The following NRG3 variants were observed in gnomAD, a reference collection of about 807,000 sequenced individuals.
NRG3 encodes pro-neuregulin-3, membrane-bound isoform.
NRG3 carries 31 observed loss-of-function variants against 66.9 expected under a neutral mutation model. That is an observed-to-expected ratio of 0.46 (90% CI 0.35 to 0.63). The LOEUF (loss-of-function observed/expected upper bound fraction) is 0.63, where lower values mean the gene tolerates loss of function less well. Among genes scored for constraint, NRG3 ranks in the 20% least tolerant of loss-of-function variants. The pLI is 0.00. For missense variants in NRG3, 910 were observed against 878.9 expected (o/e 1.04, Z -0.45); for synonymous variants, 393 against 359.4 (o/e 1.09, Z -1.06).
intron 1 of NRG3, among the ~76,000 whole-genome samples, chr10:81,919,131 T>G (rs1846003441): frequency 6.6e-6 from 1 of 152,206 alleles, no homozygotes; most frequent in South Asian, 2.1e-4. Flanking sequence ...CTTGTTGGAA[T>G]TAACTGAGAG....
intron 4 of NRG3, among the ~76,000 whole-genome samples, chr10:82,946,334 A>C (rs566037659): frequency 6.6e-6 from 1 of 151,900 alleles, no homozygotes; most frequent in East Asian, 1.9e-4. Context: ...AGGTCAAGAG[A>C]TCGAGACTAG....
chr10:82,909,287 A>G (rs1312844297), intron 4 of NRG3, among the ~76,000 whole-genome samples: 1 of 152,234 alleles, frequency 6.6e-6, no homozygotes, highest in Non-Finnish European at 1.5e-5. Flanking sequence ...TGACTTTAAC[A>G]TAATGAATCT....
intron 1 of NRG3, among the ~76,000 whole-genome samples, chr10:82,094,340 TA>T (rs2066209033): frequency 6.6e-6 from 1 of 152,124 alleles, no homozygotes; most frequent in South Asian, 2.1e-4. Context: ...AGTCAAAATA[TA>T]ACAGATGCCG....
intron 1 of NRG3, among the ~76,000 whole-genome samples, chr10:82,132,531 T>TATG (rs1359189583): frequency 1.9e-5 from 2 of 102,716 alleles, no homozygotes; most frequent in Non-Finnish European, 3.5e-5. Context: ...ATATGATATA[T>TATG]ATATGATATA....
intron 1 of NRG3, among the ~76,000 whole-genome samples, chr10:82,041,085 A>C (rs2063013109): frequency 6.6e-6 from 1 of 152,122 alleles, no homozygotes; most frequent in African/African-American, 2.4e-5. Flanking sequence ...AGTGGGCCAT[A>C]AGTAATTAAA....
intron 4 of NRG3, among the ~76,000 whole-genome samples, chr10:82,922,271 GCC>G (rs1201647897): frequency 1.3e-5 from 2 of 152,138 alleles, no homozygotes; most frequent in Non-Finnish European, 2.9e-5. Flanking sequence ...TCATCGGGCA[GCC>G]CCGTGGAGGT....
At chr10:82,531,838 A>G (rs1431748772) in intron 2 of NRG3, among the ~76,000 whole-genome samples, 1 of 151,750 alleles carries the variant, frequency 6.6e-6, no homozygotes, top group Non-Finnish European at 1.5e-5. Context: ...CATGATACCT[A>G]CCCTCTTAGT....
intron 2 of NRG3, among the ~76,000 whole-genome samples, chr10:82,416,180 C>A (rs1267434372): frequency 6.6e-6 from 1 of 152,090 alleles, no homozygotes; most frequent in Non-Finnish European, 1.5e-5. Flanking sequence ...TAAAACATAC[C>A]TTTCAAGACA....
chr10:81,910,060 T>C (rs1202571716), intron 1 of NRG3, among the ~76,000 whole-genome samples: 2 of 152,192 alleles, frequency 1.3e-5, no homozygotes, highest in African/African-American at 4.8e-5. Context: ...TCTAAACTCA[T>C]ATTCAGATAT....
intron 3 of NRG3, among the ~76,000 whole-genome samples, chr10:82,764,617 C>CCTCACAAAGTG: frequency 6.6e-6 from 1 of 151,818 alleles, no homozygotes; most frequent in East Asian, 1.9e-4. Context: ...CCCACCTCAG[C>CCTCACAAAGTG]CTCCCAAAGT....
intron 1 of NRG3, among the ~76,000 whole-genome samples, chr10:82,351,194 C>T (rs1256880319): frequency 3.3e-5 from 5 of 152,134 alleles, no homozygotes; most frequent in Admixed American, 1.3e-4. Context: ...CGCACCCGGC[C>T]GTGTTAACTC....
At chr10:82,187,198 T>C (rs982280271) in intron 1 of NRG3, among the ~76,000 whole-genome samples, 2 of 152,282 alleles carry the variant, frequency 1.3e-5, no homozygotes, top group East Asian at 1.9e-4. Context: ...TGGAGTAATA[T>C]GACACATGTG....
intron 3 of NRG3, among the ~76,000 whole-genome samples, chr10:82,742,755 C>A (rs563363474): frequency 1.5e-4 from 23 of 152,084 alleles, no homozygotes; most frequent in African/African-American, 5.1e-4. Context: ...GTAAGCTTCC[C>A]GGAAGCTGAC....
chr10:81,880,935 C>T (rs1236765586), intron 1 of NRG3, among the ~76,000 whole-genome samples: 1 of 152,072 alleles, frequency 6.6e-6, no homozygotes, highest in Non-Finnish European at 1.5e-5. Context: ...GAAAGTGTTC[C>T]CTCCAGAACC....
intron 1 of NRG3, among the ~76,000 whole-genome samples, chr10:82,316,603 G>A (rs1287138333): frequency 1.3e-5 from 2 of 152,162 alleles, no homozygotes; most frequent in Non-Finnish European, 2.9e-5. Context: ...TTACACATAA[G>A]GCCTTGCTCC....
Position 82,457,398 on chromosome 10 carries a change from G to A in NRG3, c.953+98530G>A, listed in dbSNP as rs187549409. Among the ~76,000 whole-genome samples the A allele has an allele frequency of 6.6e-5, 10 of 152,252 alleles. No individual in the cohort carries two copies. In the East Asian group the frequency reaches 1.9e-3, roughly 29 times the overall value. On this transcript the variant is annotated intron_variant, in intron 2 of 8. Transcript: ENST00000372141. Reference sequence around the variant, plus strand: ...ATGTGCAGTTCACAATAGGGTTCGCGCTCCTTTGAGAATCTGATGCTGTTG... The same window carrying A: ...ATGTGCAGTTCACAATAGGGTTCGCACTCCTTTGAGAATCTGATGCTGTTG...
At chr10:82,533,384 T>A (rs969201195) in intron 2 of NRG3, among the ~76,000 whole-genome samples, 1 of 152,130 alleles carries the variant, frequency 6.6e-6, no homozygotes, top group African/African-American at 2.4e-5. Context: ...TCATGAAGTA[T>A]TTCCCCTAAG....
chr10:82,739,659 A>G lies in NRG3; in HGVS notation c.1027+1009A>G, dbSNP rs139835811. ...CTCAAGTAAATGCAAAGTTATTTGA[A>G]AGAAAAAGGTTTTGTTTAATTTAAT... On this transcript the variant is annotated intron_variant, in intron 3 of 8. Transcript: ENST00000372141. Among the ~76,000 whole-genome samples the G allele has an allele frequency of 2.8e-3, 429 of 152,342 alleles. 2 individuals are homozygous for G. Among genetic ancestry groups the G allele is most frequent in the African/African-American group, 9.6e-3 (400 of 41,588 alleles).
At chr10:82,736,232 C>T (rs1221853678) in intron 2 of NRG3, among the ~76,000 whole-genome samples, 1 of 152,184 alleles carries the variant, frequency 6.6e-6, no homozygotes, top group Non-Finnish European at 1.5e-5. Context: ...CTGCCAACTT[C>T]AATCTATGCA....
Sources: allele counts gnomAD v4.1 joint callset (sites outside exome capture counted in the v4.1 genomes callset), GRCh38; gene constraint gnomAD v4.1.1; transcripts MANE v1.5; gene names NCBI Gene and HGNC (gene_info 2026-07-23, HGNC 2026-07-21).